Variants in SLIT1 observed in about 807,000 individuals in gnomAD.
SLIT1 encodes slit guidance ligand 1.
SLIT1 carries 66 observed loss-of-function variants against 186.1 expected under a neutral mutation model. That is an observed-to-expected ratio of 0.35 (90% confidence interval 0.29 to 0.44). The LOEUF is 0.44. SLIT1 is among the 20% of genes least tolerant of loss of function. The pLI is 1.00. For missense variants in SLIT1, 1,638 were observed against 2,037.4 expected (o/e 0.80, Z 3.77); for synonymous variants, 761 against 833.8 (o/e 0.91, Z 1.50).
In SLIT1 at chr10:97,043,664, G is replaced by C. The variant is rs964894126; in HGVS notation, c.1854-151C>G. The C allele has an allele frequency of 2.3e-4, 171 of 755,836 alleles. 1 individual carries two copies. Among genetic ancestry groups the C allele is most frequent in the Non-Finnish European group, 3.1e-4 (143 of 467,382 alleles). 46.8% of individuals were successfully genotyped at this position (755,836 alleles called of 1,614,324 possible). ...CAGGAACACGCACCAGCCAGGCCCC[G>C]GCCAGGTGAGGCGAGTTTTACACAC... On this transcript the variant is annotated intron_variant, in intron 18 of 36. Coordinates refer to ENST00000266058, the MANE Select transcript of SLIT1 (RefSeq NM_003061.3). The surrounding 1 kb of genome is among the most constrained non-coding windows in gnomAD (Gnocchi z 7.0).
chr10:97,160,120 C>T (rs1850007303), intron 3 of SLIT1, among the ~76,000 whole-genome samples: 1 of 152,176 alleles, frequency 6.6e-6, no homozygotes. Flanking sequence ...GCACACTCCA[C>T]TCCTCTCCAC....
At chr10:97,109,849 G>A (rs1564678345) in intron 4 of SLIT1, among the ~76,000 whole-genome samples, 1 of 152,186 alleles carries the variant, frequency 6.6e-6, no homozygotes, top group South Asian at 2.1e-4. Flanking sequence ...GAGCCAGCGG[G>A]CAGACACAGC....
intron 4 of SLIT1, among the ~76,000 whole-genome samples, chr10:97,088,423 C>G (rs1849191275): frequency 6.6e-6 from 1 of 152,146 alleles, no homozygotes; most frequent in Non-Finnish European, 1.5e-5. Context: ...GAATGACTGA[C>G]AGCCCTAATT....
intron 4 of SLIT1, among the ~76,000 whole-genome samples, chr10:97,081,928 A>G (rs1281100488): frequency 6.6e-6 from 1 of 152,164 alleles, no homozygotes; most frequent in Non-Finnish European, 1.5e-5. Context: ...TGGCCCACAC[A>G]TCAAACCTTG....
chr10:97,165,629 G>A (rs1312153052), intron 1 of SLIT1, among the ~76,000 whole-genome samples: 1 of 152,120 alleles, frequency 6.6e-6, no homozygotes, highest in Non-Finnish European at 1.5e-5. Flanking sequence ...GGGAAGGCAG[G>A]CCCAGATCAC....
chr10:97,037,048 T>TTGTG (rs59578209), intron 22 of SLIT1, among the ~76,000 whole-genome samples: 2,262 of 116,918 alleles, frequency 0.019, 62 homozygotes, highest in East Asian at 0.028. Context: ...ATAACCCCCT[T>TTGTG]TGTGTGTGTG....
At position 97,002,686 on chromosome 10, in the gene SLIT1, C is replaced by T; in HGVS notation, c.4154+18G>A. The T allele has an allele frequency of 1.3e-6, 2 of 1,543,138 alleles. No individual in the cohort carries two copies. Among genetic ancestry groups the T allele is most frequent in the Non-Finnish European group, 1.7e-6 (2 of 1,143,366 alleles). ...CAGGTAGGCAGGGGCAAGGGCTCCC[C>T]CAGTGCCCCAGGCTCACTTGTGGCC... On this transcript the variant is annotated intron_variant, in intron 35 of 36. Coordinates refer to ENST00000266058, the MANE Select transcript of SLIT1 (RefSeq NM_003061.3).
chr10:97,050,560 A>C (rs984584896), intron 13 of SLIT1, among the ~76,000 whole-genome samples: 1 of 152,162 alleles, frequency 6.6e-6, no homozygotes, highest in Non-Finnish European at 1.5e-5. Context: ...TTCCCCTTTT[A>C]AACTTTCAGT....
intron 4 of SLIT1, among the ~76,000 whole-genome samples, chr10:97,085,143 T>C (rs1016715923): frequency 6.6e-6 from 1 of 151,978 alleles, no homozygotes; most frequent in African/African-American, 2.4e-5. Flanking sequence ...CAGGATGGTC[T>C]CAATCTCCTG....
chr10:97,058,858 G>T (rs1225006680), intron 11 of SLIT1, among the ~76,000 whole-genome samples: 1 of 152,254 alleles, frequency 6.6e-6, no homozygotes, highest in East Asian at 1.9e-4. Context: ...ACCTCGGGTA[G>T]TGAGGCCCTT....
chr10:97,079,899 G>A (rs1457205722), intron 4 of SLIT1, among the ~76,000 whole-genome samples: 2 of 152,206 alleles, frequency 1.3e-5, no homozygotes, highest in Non-Finnish European at 2.9e-5. Flanking sequence ...AACTACAGGA[G>A]CAAGGATCTG....
chr10:97,158,077 C>T (rs951286272), intron 3 of SLIT1, among the ~76,000 whole-genome samples, 188 bp from the exon 4 acceptor site: 1 of 152,168 alleles, frequency 6.6e-6, no homozygotes, highest in Non-Finnish European at 1.5e-5. Flanking sequence ...GAGATTCCAC[C>T]ACCCAGCACG....
At chr10:97,133,777 CAT>C (rs1388103029) in intron 4 of SLIT1, among the ~76,000 whole-genome samples, 1 of 152,116 alleles carries the variant, frequency 6.6e-6, no homozygotes, top group Non-Finnish European at 1.5e-5. Flanking sequence ...GAATCACATT[CAT>C]GAGAAGCTGT....
At chr10:97,129,385 A>T (rs1589404431) in intron 4 of SLIT1, among the ~76,000 whole-genome samples, 1 of 16,498 alleles carries the variant, frequency 6.1e-5, no homozygotes, top group Non-Finnish European at 3.3e-4. Flanking sequence ...CTGTGTCTCA[A>T]AAAAAAAAAA....
intron 4 of SLIT1, among the ~76,000 whole-genome samples, chr10:97,129,159 T>C (rs533948169): frequency 6.6e-6 from 1 of 152,218 alleles, no homozygotes; most frequent in African/African-American, 2.4e-5. Flanking sequence ...CCCAACACTT[T>C]GGGAGACCTA....
In SLIT1 at chr10:97,060,754, G is replaced by T; in HGVS notation, c.827C>A (p.Thr276Asn). The part of the protein sequence containing the change: ...QGEAGRVPTC[T>N]LSSGSCPAMC... ...GGCCGGGCAGGAGCCGGAGGACAGG[G>T]TGCAGGTGGGCACGCGCCCCGCTTC... Residue 276 changes from threonine (T) to asparagine (N), a missense_variant, in exon 9 of 37, where the codon ACC becomes AAC. Thr to Asn is a moderately conservative substitution (Grantham distance 65). This residue lies in a region of SLIT1 where 1,245 missense variants were observed against 1,535.3 expected (regional missense o/e 0.81). Coordinates refer to ENST00000266058, the MANE Select transcript of SLIT1 (RefSeq NM_003061.3). 1 of 1,612,644 alleles carries T rather than the reference G, an allele frequency of 6.2e-7. No individual in the cohort carries two copies. Among genetic ancestry groups the T allele is most frequent in the Non-Finnish European group, 8.5e-7 (1 of 1,179,526 alleles).
chr10:97,175,169 C>T (rs1266325114), intron 1 of SLIT1, among the ~76,000 whole-genome samples: 1 of 152,234 alleles, frequency 6.6e-6, no homozygotes, highest in East Asian at 1.9e-4. Flanking sequence ...CTGGCTTTTT[C>T]ACCCAGCACA....
intron 25 of SLIT1, among the ~76,000 whole-genome samples, chr10:97,027,805 C>G (rs73320621): frequency 0.019 from 2,921 of 152,188 alleles, 96 homozygotes; most frequent in African/African-American, 0.067. Context: ...AGATTTTGAG[C>G]TGGAGACAAG....
At chr10:97,058,124 A>G (rs1848858466) in intron 11 of SLIT1, 2 of 709,760 alleles carry the variant, frequency 2.8e-6, no homozygotes, top group Non-Finnish European at 5.3e-6. Flanking sequence ...GAGGGAACAA[A>G]TGGGACAGTA....
Sources: allele counts gnomAD v4.1 joint callset (sites outside exome capture counted in the v4.1 genomes callset), GRCh38; gene constraint gnomAD v4.1.1; regional missense constraint gnomAD v4.1.1; non-coding constraint Gnocchi (gnomAD v3.1); transcripts MANE v1.5; gene names NCBI Gene and HGNC (gene_info 2026-07-23, HGNC 2026-07-21).